ADAMTS3: variants seen among roughly 807,000 people sequenced by gnomAD.
The protein encoded by ADAMTS3 is A disintegrin and metalloproteinase with thrombospondin motifs 3.
A neutral mutation model predicts 129.0 loss-of-function variants in ADAMTS3; 73 were observed. That is an observed-to-expected ratio of 0.57 (90% CI 0.47 to 0.69). ADAMTS3 has a LOEUF of 0.69. Among genes scored for constraint, ADAMTS3 ranks in the 30% least tolerant of loss-of-function variants. The pLI is 0.00. For synonymous variants in ADAMTS3, 477 were observed against 510.8 expected, an observed-to-expected ratio of 0.93 and a Z score of 0.89; for missense variants, 1,457 against 1,514.5, an observed-to-expected ratio of 0.96 and a Z score of 0.63.
Position 72,363,372 on chromosome 4 carries a change from A to C in ADAMTS3, c.662-23679T>G, listed in dbSNP as rs146907636. On this transcript the variant is annotated intron_variant, in intron 4 of 21. Transcript: ENST00000286657. ...GAACAGACTTGTAGAATATATCAAA[A>C]CTAATTTACATAGTTAGATATACCA... Among the ~76,000 whole-genome samples, 350 of 152,290 alleles carry C rather than the reference A, an allele frequency of 2.3e-3. 2 individuals carry two copies. The highest frequency in any genetic ancestry group is 8.2e-3 in the African/African-American group (342 of 41,582).
At chr4:72,456,338 G>GTATATTTTATATATAGTA (rs1718614509) in intron 3 of ADAMTS3, among the ~76,000 whole-genome samples, 4 of 142,638 alleles carry the variant, frequency 2.8e-5, no homozygotes, top group Non-Finnish European at 4.5e-5. Flanking sequence ...TATATATACT[G>GTATATTTTATATATAGTA]TATATACTAT....
intron 3 of ADAMTS3, 66 bp from the exon 4 acceptor site, chr4:72,415,037 A>T: frequency 8.7e-7 from 1 of 1,144,968 alleles, no homozygotes; most frequent in East Asian, 2.9e-5. Flanking sequence ...TCACAAGCAC[A>T]TCTTTTTAAA....
At chr4:72,389,069 C>T (rs1433693716) in intron 4 of ADAMTS3, among the ~76,000 whole-genome samples, 3 of 152,142 alleles carry the variant, frequency 2.0e-5, no homozygotes, top group Non-Finnish European at 4.4e-5. Context: ...ATTAGGTGTT[C>T]AGTATCACCC....
At position 72,471,193 on chromosome 4, in the gene ADAMTS3, A is replaced by G. The variant is rs116560087; in HGVS notation, c.505-56222T>C. Among the ~76,000 whole-genome samples, 744 of 152,286 alleles carry G rather than the reference A, an allele frequency of 4.9e-3. 1 individual carries two copies. The highest frequency in any genetic ancestry group is 0.017 in the African/African-American group (708 of 41,566). ...TATGTTGCTAATGATAAAATTCAAG[A>G]TTTCAAGCAAAAATTAGAAACTTGG... On this transcript the variant is annotated intron_variant, in intron 3 of 21. Coordinates refer to ENST00000286657, the MANE Select transcript of ADAMTS3 (RefSeq NM_014243.3).
chr4:72,513,612 T>C (rs1255714827), intron 3 of ADAMTS3, among the ~76,000 whole-genome samples: 1 of 152,214 alleles, frequency 6.6e-6, no homozygotes, highest in East Asian at 1.9e-4. Context: ...TCTTTCCCCA[T>C]ACTTGTCACA....
chr4:72,521,287 C>T (rs181313141), intron 3 of ADAMTS3, among the ~76,000 whole-genome samples: 4 of 152,086 alleles, frequency 2.6e-5, no homozygotes, highest in Non-Finnish European at 4.4e-5. Flanking sequence ...CATGAGCCAC[C>T]GTGCTAGGTC....
chr4:72,469,561 C>A (rs1162386825), intron 3 of ADAMTS3, among the ~76,000 whole-genome samples: 1 of 152,084 alleles, frequency 6.6e-6, no homozygotes, highest in Non-Finnish European at 1.5e-5. Flanking sequence ...AATCCCTCAC[C>A]TCTCCGTGAT....
chr4:72,328,563 T>C (rs959076141), intron 5 of ADAMTS3, among the ~76,000 whole-genome samples: 13 of 152,188 alleles, frequency 8.5e-5, no homozygotes, highest in African/African-American at 2.9e-4. Flanking sequence ...ATGCTGGGCA[T>C]GTTATTTGTC....
At chr4:72,484,133 T>A (rs549894869) in intron 3 of ADAMTS3, among the ~76,000 whole-genome samples, 1 of 152,294 alleles carries the variant, frequency 6.6e-6, no homozygotes, top group South Asian at 2.1e-4. Context: ...ACCCCAATCT[T>A]ACTGTCCTTC....
In ADAMTS3 at chr4:72,314,161, G is replaced by C. The variant is rs139989011; in HGVS notation, c.1600-339C>G. Among the ~76,000 whole-genome samples the C allele has an allele frequency of 1.2e-3, 181 of 152,218 alleles. 3 individuals carry two copies. The highest frequency in any genetic ancestry group is 4.8e-4 in the African/African-American group (20 of 41,538). ...GTTGGTAAGATTTTACCCTTCATCT[G>C]TCACTACCTATATCATACCAGAATA... On this transcript the variant is annotated intron_variant, in intron 11 of 21. Transcript: ENST00000286657.
chr4:72,324,374 A>C (rs1719641602), intron 5 of ADAMTS3, among the ~76,000 whole-genome samples: 1 of 152,208 alleles, frequency 6.6e-6, no homozygotes, highest in Non-Finnish European at 1.5e-5. Flanking sequence ...TAAAAAAATC[A>C]GGGTCTTGAA....
intron 5 of ADAMTS3, among the ~76,000 whole-genome samples, chr4:72,334,171 C>T (rs1319107386): frequency 1.3e-5 from 2 of 151,986 alleles, no homozygotes; most frequent in East Asian, 3.9e-4. Flanking sequence ...TATGTATAAC[C>T]TCTATCACCC....
intron 3 of ADAMTS3, among the ~76,000 whole-genome samples, chr4:72,518,141 G>A (rs1304573040): frequency 6.6e-6 from 1 of 152,104 alleles, no homozygotes; most frequent in East Asian, 1.9e-4. Context: ...ATGTAGTTGA[G>A]CGGTTTTGAG....
intron 19 of ADAMTS3, among the ~76,000 whole-genome samples, chr4:72,294,676 A>T (rs1266911091): frequency 1.3e-5 from 2 of 152,116 alleles, no homozygotes; most frequent in Non-Finnish European, 2.9e-5. Flanking sequence ...CACTAGGAAC[A>T]AAATGACGGT....
At chr4:72,513,264 C>G (rs182425835) in intron 3 of ADAMTS3, among the ~76,000 whole-genome samples, 6 of 152,284 alleles carry the variant, frequency 3.9e-5, no homozygotes, top group Admixed American at 3.3e-4. Flanking sequence ...TCAAAACTTT[C>G]CAACTCATCT....
At chr4:72,517,051 G>C (rs536037430) in intron 3 of ADAMTS3, among the ~76,000 whole-genome samples, 4 of 152,078 alleles carry the variant, frequency 2.6e-5, no homozygotes, top group South Asian at 4.1e-4. Context: ...ATGAAGGGCT[G>C]TTGAATTTTG....
chr4:72,527,013 CCTTTG>C (rs906941188), intron 3 of ADAMTS3, among the ~76,000 whole-genome samples: 9 of 151,912 alleles, frequency 5.9e-5, no homozygotes, highest in African/African-American at 2.2e-4. Flanking sequence ...AAAGGACAGA[CCTTTG>C]CTTGGAACAC....
intron 2 of ADAMTS3, among the ~76,000 whole-genome samples, chr4:72,554,435 T>TG (rs1721714235): frequency 6.6e-6 from 1 of 152,194 alleles, no homozygotes; most frequent in African/African-American, 2.4e-5. Context: ...AACTATAACC[T>TG]GAACGGCTCT....
intron 3 of ADAMTS3, among the ~76,000 whole-genome samples, chr4:72,482,902 A>G (rs1461435000): frequency 6.6e-6 from 1 of 152,168 alleles, no homozygotes; most frequent in Non-Finnish European, 1.5e-5. Flanking sequence ...AAATAAAAAA[A>G]CCCATGACCA....
Sources: gnomAD v4.1 joint callset for allele counts (sites outside exome capture counted in the v4.1 genomes callset) on GRCh38, gnomAD v4.1.1 for gene constraint, MANE v1.5 for transcripts, NCBI Gene and HGNC (gene_info 2026-07-23, HGNC 2026-07-21) for gene names.